TAFA1: variants seen among roughly 807,000 people sequenced by gnomAD.
The protein encoded by TAFA1 is chemokine-like protein TAFA-1.
Under a neutral mutation model 18.5 loss-of-function variants are expected in TAFA1, and 4 were observed. The observed-to-expected ratio is 0.22, with a 90% CI of 0.11 to 0.49. The LOEUF (loss-of-function observed/expected upper bound fraction) is 0.49. Among genes scored for constraint, TAFA1 ranks in the 20% least tolerant of loss-of-function variants. TAFA1 has a pLI of 0.98. For missense variants in TAFA1, 147 were observed against 169.0 expected, an observed-to-expected ratio of 0.87 and a Z score of 0.72; for synonymous variants, 56 against 55.2, an observed-to-expected ratio of 1.01 and a Z score of -0.06.
chr3:68,480,970 C>G (rs1197756244), intron 3 of TAFA1, among the ~76,000 whole-genome samples: 2 of 152,156 alleles, frequency 1.3e-5, no homozygotes, highest in Admixed American at 6.5e-5. Context: ...CTCTCGTTCT[C>G]TCTTCCCTGC....
intron 2 of TAFA1, among the ~76,000 whole-genome samples, chr3:68,229,275 C>A (rs946014681): frequency 5.9e-5 from 9 of 152,150 alleles, no homozygotes; most frequent in Non-Finnish European, 1.2e-4. Flanking sequence ...GTTTTTACAA[C>A]GTTCAAAAAT....
At chr3:68,355,663 A>G (rs577125187) in intron 2 of TAFA1, among the ~76,000 whole-genome samples, 1 of 151,978 alleles carries the variant, frequency 6.6e-6, no homozygotes, top group Non-Finnish European at 1.5e-5. Context: ...TAGGGGATAC[A>G]ATTTCGTGAA....
intron 2 of TAFA1, among the ~76,000 whole-genome samples, chr3:68,058,230 G>T (rs1036295691): frequency 6.6e-6 from 1 of 152,094 alleles, no homozygotes; most frequent in African/African-American, 2.4e-5. Flanking sequence ...CAACTTTAAG[G>T]CTTGGTTTCC....
At chr3:68,163,148 C>T (rs146372233) in intron 2 of TAFA1, among the ~76,000 whole-genome samples, 62 of 152,274 alleles carry the variant, frequency 4.1e-4, no homozygotes, top group Non-Finnish European at 6.6e-4. Context: ...TTTCTTTCTA[C>T]GTAATCTTCT....
At chr3:68,049,028 G>GA (rs1372375917) in intron 2 of TAFA1, among the ~76,000 whole-genome samples, 2 of 152,064 alleles carry the variant, frequency 1.3e-5, no homozygotes, top group Non-Finnish European at 2.9e-5. Context: ...GTTTTTTGTG[G>GA]AACCCCTGAA....
At chr3:68,374,678 C>T (rs1180830296) in intron 2 of TAFA1, among the ~76,000 whole-genome samples, 1 of 152,156 alleles carries the variant, frequency 6.6e-6, no homozygotes, top group East Asian at 1.9e-4. Context: ...AACCGCAATG[C>T]TGTGTCAGCA....
At chr3:68,111,096 A>T (rs895340522) in intron 2 of TAFA1, among the ~76,000 whole-genome samples, 18 of 152,268 alleles carry the variant, frequency 1.2e-4, no homozygotes, top group African/African-American at 4.3e-4. Flanking sequence ...TTTCCTATAG[A>T]AATATAGGCT....
At chr3:68,290,590 A>G (rs1575750874) in intron 2 of TAFA1, among the ~76,000 whole-genome samples, 1 of 152,106 alleles carries the variant, frequency 6.6e-6, no homozygotes, top group African/African-American at 2.4e-5. Flanking sequence ...AATATTCTGA[A>G]CCCCAGCTGC....
chr3:68,431,403 A>G (rs1327235255), intron 3 of TAFA1, among the ~76,000 whole-genome samples: 1 of 151,970 alleles, frequency 6.6e-6, no homozygotes, highest in African/African-American at 2.4e-5. Flanking sequence ...GAGGACTGAC[A>G]CTGTGTCTCA....
At chr3:68,275,706 G>C (rs1274077488) in intron 2 of TAFA1, among the ~76,000 whole-genome samples, 1 of 152,098 alleles carries the variant, frequency 6.6e-6, no homozygotes, top group Admixed American at 6.6e-5. Context: ...TAGTGGAGAA[G>C]AGATCTGAAG....
At position 68,503,775 on chromosome 3, in the gene TAFA1, A is replaced by C. The variant is rs114567508; in HGVS notation, c.260-34981A>C. 2.1e-3 allele frequency among the ~76,000 whole-genome samples: 320 copies of C among 152,248 alleles called. 1 individual carries two copies. Among genetic ancestry groups the C allele is most frequent in the African/African-American group, 7.1e-3 (297 of 41,550 alleles). ...TATTAAGTTTCCATTTCTCCAGGAAAGGGCATCATTTTCTAATAATATTTT... is the reference window on the plus strand; with the variant it reads ...TATTAAGTTTCCATTTCTCCAGGAACGGGCATCATTTTCTAATAATATTTT... On this transcript the variant is annotated intron_variant, in intron 3 of 4. Coordinates refer to ENST00000478136, the MANE Select transcript of TAFA1 (RefSeq NM_213609.4).
intron 2 of TAFA1, among the ~76,000 whole-genome samples, chr3:68,016,370 C>G (rs189841302): frequency 1.7e-4 from 26 of 152,188 alleles, no homozygotes; most frequent in African/African-American, 6.0e-4. Flanking sequence ...GCTTTTTAAA[C>G]TTTTGCTTTA....
intron 3 of TAFA1, among the ~76,000 whole-genome samples, chr3:68,497,887 A>C (rs746417609): frequency 6.6e-6 from 1 of 152,180 alleles, no homozygotes; most frequent in Non-Finnish European, 1.5e-5. Context: ...GAGTGATGGC[A>C]TGGATAGAGA....
At chr3:68,458,304 A>C (rs559500211) in intron 3 of TAFA1, among the ~76,000 whole-genome samples, 10 of 152,236 alleles carry the variant, frequency 6.6e-5, no homozygotes, top group Admixed American at 3.3e-4. Flanking sequence ...CTTCCTGTAC[A>C]GTCTGTGGAG....
intron 3 of TAFA1, among the ~76,000 whole-genome samples, chr3:68,535,511 A>G (rs2073263912): frequency 6.6e-6 from 1 of 152,158 alleles, no homozygotes; most frequent in Non-Finnish European, 1.5e-5. Context: ...TATTTAGAAG[A>G]TTTTACCACC....
intron 2 of TAFA1, among the ~76,000 whole-genome samples, chr3:68,209,414 T>C (rs535224819): frequency 6.6e-6 from 1 of 152,188 alleles, no homozygotes; most frequent in African/African-American, 2.4e-5. Context: ...TTTCCAAGAC[T>C]GTTAGATAAA....
rs550061978 is a variant in TAFA1, at chr3:68,499,449, T to C, written c.260-39307T>C. On this transcript the variant is annotated intron_variant, in intron 3 of 4. Transcript: ENST00000478136. ...TTCTTTCTTTCTGTGTTCCTTTCTTTTTTTTTTTTTTTTTTGAGAAGACAT... is the reference window on the plus strand; with the variant it reads ...TTCTTTCTTTCTGTGTTCCTTTCTTCTTTTTTTTTTTTTTTGAGAAGACAT... 4.7e-3 allele frequency among the ~76,000 whole-genome samples: 691 copies of C among 147,442 alleles called. 4 individuals are homozygous for C. Among genetic ancestry groups the C allele is most frequent in the Middle Eastern group, 0.011 (3 of 284 alleles).
At chr3:68,011,331 G>A (rs1011197308) in intron 2 of TAFA1, among the ~76,000 whole-genome samples, 1 of 152,082 alleles carries the variant, frequency 6.6e-6, no homozygotes, top group African/African-American at 2.4e-5. Flanking sequence ...GTACGGAAAT[G>A]ATATATAAAA....
At chr3:68,304,710 A>G (rs1474286740) in intron 2 of TAFA1, among the ~76,000 whole-genome samples, 4 of 152,234 alleles carry the variant, frequency 2.6e-5, no homozygotes, top group Non-Finnish European at 5.9e-5. Flanking sequence ...TGGCAAGGTC[A>G]GAGTTTTAAA....
Sources: allele counts gnomAD v4.1 joint callset (sites outside exome capture counted in the v4.1 genomes callset), GRCh38; gene constraint gnomAD v4.1.1; transcripts MANE v1.5; gene names NCBI Gene and HGNC (gene_info 2026-07-23, HGNC 2026-07-21).